MSRA: variants seen among roughly 807,000 people sequenced by gnomAD.
The protein encoded by MSRA is methionine sulfoxide reductase A, also known as mitochondrial peptide methionine sulfoxide reductase.
In MSRA, 54 loss-of-function variants were observed where a neutral mutation model predicts 31.3. That is an observed-to-expected ratio of 1.73 (90% CI 1.39 to 2.17). The LOEUF is 2.17. Among genes scored for constraint, MSRA ranks in the 30% most tolerant of loss-of-function variants. MSRA has a pLI of 0.00. For missense variants in MSRA, 507 were observed against 300.9 expected, an observed-to-expected ratio of 1.69 and a Z score of -5.07; for synonymous variants, 169 against 116.5, an observed-to-expected ratio of 1.45 and a Z score of -2.90.
intron 2 of MSRA, among the ~76,000 whole-genome samples, chr8:10,209,039 G>C (rs777702037): frequency 1.3e-5 from 2 of 152,214 alleles, no homozygotes; most frequent in Non-Finnish European, 2.9e-5. Context: ...TTCCACCTCA[G>C]TGTTGGTAAA....
intron 1 of MSRA, among the ~76,000 whole-genome samples, chr8:10,062,536 T>C (rs1225547251): frequency 6.6e-6 from 1 of 152,212 alleles, no homozygotes; most frequent in Non-Finnish European, 1.5e-5. Flanking sequence ...GACTGTAGCA[T>C]ATAACCTGTT....
intron 5 of MSRA, among the ~76,000 whole-genome samples, chr8:10,417,505 C>G (rs189035745): frequency 5.3e-4 from 80 of 152,060 alleles, no homozygotes; most frequent in African/African-American, 1.8e-3. Flanking sequence ...TCAGCCGTCC[C>G]CCTTCCTTGT....
At chr8:10,250,410 A>G (rs1394275278) in intron 3 of MSRA, 2 of 702,170 alleles carry the variant, frequency 2.8e-6, no homozygotes, top group Admixed American at 4.0e-5. Flanking sequence ...ATCTTTTCAT[A>G]TTTTGCTTAC....
At chr8:10,325,172 A>G (rs535326911) in intron 5 of MSRA, among the ~76,000 whole-genome samples, 4 of 152,314 alleles carry the variant, frequency 2.6e-5, no homozygotes, top group South Asian at 2.1e-4. Context: ...GCTGACTGCA[A>G]TGGCTCAGGA....
At chr8:10,415,528 C>A (rs1563455754) in intron 5 of MSRA, among the ~76,000 whole-genome samples, 1 of 152,026 alleles carries the variant, frequency 6.6e-6, no homozygotes. Flanking sequence ...CAGCTGGGTC[C>A]CCAGAGACGA....
chr8:10,376,043 G>C (rs1244130377), intron 5 of MSRA, among the ~76,000 whole-genome samples: 1 of 152,100 alleles, frequency 6.6e-6, no homozygotes, highest in Admixed American at 6.5e-5. Flanking sequence ...GAAGGGCCTG[G>C]GGAAGATTGC....
intron 1 of MSRA, among the ~76,000 whole-genome samples, chr8:10,142,939 C>A (rs560078913): frequency 6.6e-6 from 1 of 152,176 alleles, no homozygotes; most frequent in South Asian, 2.1e-4. Flanking sequence ...TTCTTCAGAA[C>A]AAAGAAAGCA....
At chr8:10,193,140 G>C (rs1563202474) in intron 1 of MSRA, among the ~76,000 whole-genome samples, 1 of 152,316 alleles carries the variant, frequency 6.6e-6, no homozygotes, top group East Asian at 1.9e-4. Context: ...CTATGCTGAA[G>C]TCTTCTTATA....
intron 1 of MSRA, among the ~76,000 whole-genome samples, chr8:10,156,250 A>G (rs770091763): frequency 5.9e-5 from 9 of 152,188 alleles, no homozygotes; most frequent in African/African-American, 9.7e-5. Flanking sequence ...TTTTGAGACA[A>G]TCGGGGAAAT....
In MSRA at chr8:10,276,697, TCTTTAA is replaced by T. The variant is rs1202444890; in HGVS notation, c.332-24836_332-24831del. On this transcript the variant is annotated intron_variant, in intron 3 of 5. Coordinates refer to ENST00000317173, the MANE Select transcript of MSRA (RefSeq NM_012331.5). Reference sequence around the variant, plus strand: ...GGTTGATTGCAGTTTCTAAGAGAAGTCTTTAATGTTTCAGGAGCAACTGATATGCAG... The same window carrying T: ...GGTTGATTGCAGTTTCTAAGAGAAGTTGTTTCAGGAGCAACTGATATGCAG... 2.0e-5 allele frequency among the ~76,000 whole-genome samples: 3 copies of T among 152,324 alleles called. No homozygotes were observed. In the East Asian group the frequency reaches 5.8e-4, roughly 29 times the overall value.
chr8:10,268,954 A>G (rs1337471998), intron 3 of MSRA, among the ~76,000 whole-genome samples: 1 of 152,174 alleles, frequency 6.6e-6, no homozygotes, highest in Non-Finnish European at 1.5e-5. Flanking sequence ...TTTTCTGGAG[A>G]AGATGCAGAT....
Position 10,082,951 on chromosome 8 carries a change from C to G in MSRA, c.142+28293C>G, listed in dbSNP as rs1163032541. 4.6e-5 allele frequency among the ~76,000 whole-genome samples: 7 copies of G among 152,182 alleles called. No individual in the cohort carries two copies. The East Asian group carries it at 9.6e-4, about 21-fold the overall frequency. ...ATTAGAAAAGTTAATAATCTCAGCT[C>G]TTAAGGAGTTTATAGTCTAGTCAGG... On this transcript the variant is annotated intron_variant, in intron 1 of 5. Transcript: ENST00000317173.
intron 1 of MSRA, among the ~76,000 whole-genome samples, chr8:10,105,188 CT>C (rs1799801672): frequency 6.6e-6 from 1 of 151,714 alleles, no homozygotes; most frequent in Non-Finnish European, 1.5e-5. Context: ...AAGATACCTT[CT>C]CAATCTTTTT....
rs777123382 is a variant in MSRA, at chr8:10,054,616, C to A, written c.100C>A (p.Gln34Lys). 3.8e-6 allele frequency: 6 copies of A among 1,577,732 alleles called. No individual in the cohort carries two copies. The African/African-American group carries it at 4.2e-5, about 11-fold the overall frequency. The change falls in exon 1 of 6, where the codon CAG becomes AAG. Residue 34 changes from glutamine to lysine, a missense_variant. Transcript: ENST00000317173. ...GNSASNIVSPQEALPGRKEQT... is the reference protein window; with the variant it reads ...GNSASNIVSPKEALPGRKEQT... ...CTCGGCCTCGAACATCGTCAGCCCC[C>A]AGGAGGCCTTGCCGGGCCGGAAGGA...
intron 5 of MSRA, among the ~76,000 whole-genome samples, chr8:10,323,770 G>GTGTGTGTGTC (rs1390517566): frequency 4.6e-5 from 7 of 151,562 alleles, no homozygotes; most frequent in African/African-American, 1.7e-4. Flanking sequence ...GTGTGTGTGT[G>GTGTGTGTGTC]TGTGTCTGTG....
At chr8:10,136,683 C>T (rs1053958483) in intron 1 of MSRA, among the ~76,000 whole-genome samples, 4 of 152,200 alleles carry the variant, frequency 2.6e-5, no homozygotes, top group Admixed American at 2.0e-4. Context: ...GAAGCTTCTG[C>T]AGTAGCATCA....
At chr8:10,323,245 A>G (rs903037668) in intron 5 of MSRA, among the ~76,000 whole-genome samples, 4 of 152,180 alleles carry the variant, frequency 2.6e-5, no homozygotes, top group African/African-American at 9.6e-5. Flanking sequence ...AAGTGGTTCA[A>G]TTGTTTCATC....
intron 5 of MSRA, among the ~76,000 whole-genome samples, chr8:10,420,892 T>TAA (rs71203325): frequency 0.019 from 2,726 of 147,040 alleles, 44 homozygotes; most frequent in African/African-American, 0.045. Flanking sequence ...TACCACAACT[T>TAA]AAAAAAAAAA....
chr8:10,267,186 T>C (rs1004073602), intron 3 of MSRA, among the ~76,000 whole-genome samples: 3 of 152,210 alleles, frequency 2.0e-5, no homozygotes, highest in Non-Finnish European at 4.4e-5. Context: ...TATGGTACTT[T>C]AGATTTCCTG....
Sources: allele counts gnomAD v4.1 joint callset (sites outside exome capture counted in the v4.1 genomes callset), GRCh38; gene constraint gnomAD v4.1.1; transcripts MANE v1.5; gene names NCBI Gene and HGNC (gene_info 2026-07-23, HGNC 2026-07-21).